Variants in GABRB2 observed in about 807,000 individuals in gnomAD.
GABRB2 encodes the protein gamma-aminobutyric acid receptor subunit beta-2.
A neutral mutation model predicts 54.7 loss-of-function variants in GABRB2; 16 were observed. The observed-to-expected ratio is 0.29, with a 90% CI of 0.20 to 0.44. The LOEUF is 0.44. Ranked by LOEUF, GABRB2 falls within the 20% of genes least tolerant of loss-of-function variation. The probability of loss-of-function intolerance (pLI) is 1.00; values close to 1 mark genes in which losing one functional copy is unlikely to be tolerated. For synonymous variants in GABRB2, 244 were observed against 233.8 expected (o/e 1.04, Z -0.40); for missense variants, 355 against 644.0 (o/e 0.55, Z 4.86).
chr5:161,437,724 A>C (rs1011777537), intron 4 of GABRB2, among the ~76,000 whole-genome samples: 1 of 151,836 alleles, frequency 6.6e-6, no homozygotes, highest in Non-Finnish European at 1.5e-5. Context: ...GACTTAAGAG[A>C]ACTTGGACCT....
chr5:161,516,397 C>CCTT (rs34066404), intron 3 of GABRB2, among the ~76,000 whole-genome samples: 10,656 of 152,138 alleles, frequency 0.07, 534 homozygotes, highest in Middle Eastern at 0.1. Flanking sequence ...GTTCGCCTTG[C>CCTT]CTTCACTCAG....
chr5:161,521,708 C>T (rs977406088), intron 3 of GABRB2, among the ~76,000 whole-genome samples: 4 of 151,864 alleles, frequency 2.6e-5, no homozygotes, highest in African/African-American at 9.7e-5. Context: ...GGAAACGCCA[C>T]TGGTAAAACA....
intron 4 of GABRB2, among the ~76,000 whole-genome samples, chr5:161,418,571 A>G (rs1174883562): frequency 6.6e-6 from 1 of 152,214 alleles, no homozygotes; most frequent in South Asian, 2.1e-4. Context: ...ACTCTTCTTG[A>G]CCCTTGATCT....
chr5:161,330,886 G>T lies in GABRB2; in HGVS notation c.1074C>A (p.Asn358Lys), dbSNP rs775490994. Residue 358 changes from asparagine (N) to lysine (K), a missense_variant, in exon 8 of 10, where the codon AAC (asparagine) becomes AAA (lysine). Around this residue, in one of 6 missense-constraint regions of GABRB2, gnomAD observed 201 missense variants for 228.1 expected, o/e 0.88. Coordinates refer to ENST00000393959, the MANE Select transcript of GABRB2 (RefSeq NM_001371727.1). ...AGGGCTTGCCCTCTGAATTTACCTT[G>T]TTGACATCCAGGCGCATCTTCTCAT... Reference protein sequence around the residue: ...ANNEKMRLDVNKIFYKDIKQN... With the variant: ...ANNEKMRLDVKKIFYKDIKQN... The T allele has an allele frequency of 6.2e-7, 1 of 1,614,210 alleles. No individual in the cohort carries two copies. The highest frequency in any genetic ancestry group is 1.1e-5 in the South Asian group (1 of 91,082).
chr5:161,371,478 T>A (rs186896943), intron 5 of GABRB2, among the ~76,000 whole-genome samples: 18 of 152,210 alleles, frequency 1.2e-4, no homozygotes, highest in African/African-American at 4.1e-4. Flanking sequence ...GGTTTGAATT[T>A]CTATGAAAAG....
intron 3 of GABRB2, among the ~76,000 whole-genome samples, chr5:161,509,498 A>T (rs1759702342): frequency 6.6e-6 from 1 of 151,948 alleles, no homozygotes; most frequent in Non-Finnish European, 1.5e-5. Context: ...TGACATCCTC[A>T]GAGAAAGAGT....
chr5:161,386,591 G>A (rs1034498312), intron 5 of GABRB2, among the ~76,000 whole-genome samples: 3 of 151,986 alleles, frequency 2.0e-5, no homozygotes, highest in South Asian at 4.2e-4. Flanking sequence ...TGTCGCCCTA[G>A]CTGGAATGCA....
chr5:161,434,825 A>AG (rs1347283184), intron 4 of GABRB2, among the ~76,000 whole-genome samples: 3 of 152,226 alleles, frequency 2.0e-5, no homozygotes, highest in Non-Finnish European at 4.4e-5. Context: ...TTTACAAATG[A>AG]GGCCACAGTG....
chr5:161,304,920 T>C (rs1182620451), intron 9 of GABRB2, among the ~76,000 whole-genome samples: 1 of 151,886 alleles, frequency 6.6e-6, no homozygotes, highest in Non-Finnish European at 1.5e-5. Context: ...TCATTTTCGT[T>C]GTATGGGGAA....
intron 4 of GABRB2, among the ~76,000 whole-genome samples, chr5:161,449,234 C>T (rs914639179): frequency 5.3e-5 from 8 of 152,076 alleles, no homozygotes; most frequent in Non-Finnish European, 8.8e-5. Context: ...GTTACTTATT[C>T]CCCCAAAGTC....
At position 161,326,489 on chromosome 5, in the gene GABRB2, A is replaced by G; in HGVS notation, c.1078-8T>C. The G allele has an allele frequency of 6.2e-7, 1 of 1,612,492 alleles. No homozygotes were observed. Among genetic ancestry groups the G allele is most frequent in the Non-Finnish European group, 8.5e-7 (1 of 1,179,106 alleles). Reference sequence around the variant, plus strand: ...AATATCTTTATAAAAAATCTGGAAGACAAAGTAGAGAATGTGCTAATTAAG... The same window carrying G: ...AATATCTTTATAAAAAATCTGGAAGGCAAAGTAGAGAATGTGCTAATTAAG... On this transcript the variant is annotated splice_region_variant and splice_polypyrimidine_tract_variant and intron_variant, in intron 8 of 9. Coordinates refer to ENST00000393959, the MANE Select transcript of GABRB2 (RefSeq NM_001371727.1).
At chr5:161,417,406 A>C (rs1157206757) in intron 4 of GABRB2, among the ~76,000 whole-genome samples, 1 of 152,146 alleles carries the variant, frequency 6.6e-6, no homozygotes, top group African/African-American at 2.4e-5. Context: ...AAGTAGAGTG[A>C]TTTTCCCCAA....
At chr5:161,414,649 G>T (rs1756611454) in intron 4 of GABRB2, among the ~76,000 whole-genome samples, 1 of 151,924 alleles carries the variant, frequency 6.6e-6, no homozygotes, top group East Asian at 1.9e-4. Flanking sequence ...ATGAGATCAG[G>T]AGCCACATCT....
At chr5:161,371,107 G>A (rs2113467876) in intron 5 of GABRB2, among the ~76,000 whole-genome samples, 1 of 152,132 alleles carries the variant, frequency 6.6e-6, no homozygotes, top group South Asian at 2.1e-4. Context: ...ACATATTCTT[G>A]CCTCCAACCC....
At chr5:161,368,005 A>G (rs1384000320) in intron 5 of GABRB2, among the ~76,000 whole-genome samples, 1 of 152,078 alleles carries the variant, frequency 6.6e-6, no homozygotes, top group Non-Finnish European at 1.5e-5. Context: ...TGTAGGTAGA[A>G]ATCTTAACAC....
intron 7 of GABRB2, among the ~76,000 whole-genome samples, chr5:161,334,509 G>A (rs1753934893): frequency 6.6e-6 from 1 of 152,152 alleles, no homozygotes; most frequent in African/African-American, 2.4e-5. Flanking sequence ...TCAAACTGAT[G>A]GGACTAATCT....
intron 5 of GABRB2, among the ~76,000 whole-genome samples, chr5:161,338,337 T>C (rs552278406): frequency 1.3e-5 from 2 of 152,284 alleles, no homozygotes; most frequent in African/African-American, 4.8e-5. Flanking sequence ...TTAATGATTT[T>C]TAAAAGGCTT....
intron 5 of GABRB2, among the ~76,000 whole-genome samples, chr5:161,394,611 T>C (rs1318418471): frequency 6.6e-6 from 1 of 151,770 alleles, no homozygotes; most frequent in Admixed American, 6.6e-5. Context: ...GGAAAAAAAT[T>C]ATTGAGAACT....
chr5:161,545,284 C>A lies in GABRB2; in HGVS notation c.180G>T (p.Val60=), dbSNP rs1208230748. Residue 60 remains valine (V), a synonymous_variant, in exon 3 of 10, where the codon GTG becomes GTT. Transcript: ENST00000393959. ...RLRPDFGGPP[V]AVGMNIDIAS... Reference sequence around the variant, plus strand: ...CAATGTCAATGTTCATCCCCACAGCCACGGGGGGACCTGCAAAGCAAGACG... The same window carrying A: ...CAATGTCAATGTTCATCCCCACAGCAACGGGGGGACCTGCAAAGCAAGACG... The A allele has an allele frequency of 2.5e-6, 4 of 1,600,442 alleles. No individual in the cohort carries two copies. Among genetic ancestry groups the A allele is most frequent in the East Asian group, 4.6e-5 (2 of 43,902 alleles).
Sources: allele counts gnomAD v4.1 joint callset (sites outside exome capture counted in the v4.1 genomes callset), GRCh38; gene constraint gnomAD v4.1.1; regional missense constraint gnomAD v4.1.1; transcripts MANE v1.5; gene names NCBI Gene and HGNC (gene_info 2026-07-23, HGNC 2026-07-21).